The following MDGA2 variants were observed in gnomAD, a reference collection of about 807,000 sequenced individuals.
The protein encoded by MDGA2 is MAM domain-containing glycosylphosphatidylinositol anchor protein 2.
A neutral mutation model predicts 117.8 loss-of-function variants in MDGA2; 40 were observed. The observed-to-expected ratio is 0.34, with a 90% CI of 0.26 to 0.44. The LOEUF (loss-of-function observed/expected upper bound fraction) is 0.44. Among genes scored for constraint, MDGA2 ranks in the 20% least tolerant of loss-of-function variants. The pLI, the probability that MDGA2 is intolerant of heterozygous loss-of-function variation, is 1.00. For synonymous variants in MDGA2, 452 were observed against 439.0 expected (o/e 1.03, Z -0.37); for missense variants, 1,123 against 1,250.6 (o/e 0.90, Z 1.54).
chr14:47,618,141 T>C (rs1896981250), intron 1 of MDGA2, among the ~76,000 whole-genome samples: 1 of 152,126 alleles, frequency 6.6e-6, no homozygotes. Context: ...GATAAACATA[T>C]GCATAAATAC....
intron 1 of MDGA2, among the ~76,000 whole-genome samples, chr14:47,467,621 G>A (rs1427628578): frequency 6.6e-6 from 1 of 152,072 alleles, no homozygotes; most frequent in East Asian, 1.9e-4. Flanking sequence ...TTTTGCTTGG[G>A]TATGAATCCT....
At chr14:47,665,344 T>G (rs1452756796) in intron 1 of MDGA2, among the ~76,000 whole-genome samples, 1 of 152,196 alleles carries the variant, frequency 6.6e-6, no homozygotes, top group Admixed American at 6.5e-5. Context: ...ATGCATAACC[T>G]CTTTGATTTT....
At chr14:47,030,075 C>T (rs553410519) in intron 8 of MDGA2, among the ~76,000 whole-genome samples, 1 of 152,158 alleles carries the variant, frequency 6.6e-6, no homozygotes, top group East Asian at 2.0e-4. Flanking sequence ...ATCCACCCAC[C>T]TCAGCCTCCC....
chr14:47,179,040 T>C (rs896929193), intron 3 of MDGA2, among the ~76,000 whole-genome samples: 1 of 152,128 alleles, frequency 6.6e-6, no homozygotes, highest in Non-Finnish European at 1.5e-5. Flanking sequence ...AACCGGTCTA[T>C]ATATCATTAG....
At chr14:47,398,551 T>C (rs1160534071) in intron 1 of MDGA2, among the ~76,000 whole-genome samples, 5 of 152,212 alleles carry the variant, frequency 3.3e-5, no homozygotes, top group African/African-American at 7.2e-5. Context: ...ATGATAGTTA[T>C]TGTTAAACTA....
At chr14:47,418,674 C>A (rs1892521533) in intron 1 of MDGA2, among the ~76,000 whole-genome samples, 1 of 152,114 alleles carries the variant, frequency 6.6e-6, no homozygotes, top group Admixed American at 6.6e-5. Context: ...AACATCCAGA[C>A]CATAGCACAT....
At chr14:47,291,000 G>A (rs368771239) in intron 2 of MDGA2, among the ~76,000 whole-genome samples, 12 of 152,054 alleles carry the variant, frequency 7.9e-5, no homozygotes, top group African/African-American at 2.9e-4. Flanking sequence ...TTAGTACTTC[G>A]CTGCAGAAAG....
chr14:46,946,115 G>A (rs1040826084), intron 9 of MDGA2, among the ~76,000 whole-genome samples: 12 of 151,992 alleles, frequency 7.9e-5, no homozygotes, highest in African/African-American at 2.9e-4. Context: ...TCTAAATGAT[G>A]TTTTAATTTA....
chr14:46,889,897 C>T (rs1206968819), intron 10 of MDGA2, among the ~76,000 whole-genome samples: 1 of 151,982 alleles, frequency 6.6e-6, no homozygotes, highest in Non-Finnish European at 1.5e-5. Context: ...ATCCTTCTTT[C>T]CTACTCTGGT....
At chr14:47,058,236 T>C (rs1350625254) in intron 7 of MDGA2, among the ~76,000 whole-genome samples, 1 of 152,132 alleles carries the variant, frequency 6.6e-6, no homozygotes, top group African/African-American at 2.4e-5. Flanking sequence ...TAAGATTTTA[T>C]ATGAAAAACA....
chr14:47,098,625 T>C (rs1159793460), intron 5 of MDGA2, among the ~76,000 whole-genome samples: 1 of 151,880 alleles, frequency 6.6e-6, no homozygotes, highest in East Asian at 1.9e-4. Flanking sequence ...TAATTATTAA[T>C]ATATCATCAT....
chr14:47,374,117 T>C (rs1320553720), intron 1 of MDGA2, among the ~76,000 whole-genome samples: 1 of 152,158 alleles, frequency 6.6e-6, no homozygotes, highest in Non-Finnish European at 1.5e-5. Context: ...CATATTTTTC[T>C]TGAAAATAGG....
At chr14:47,608,742 G>T (rs555589932) in intron 1 of MDGA2, among the ~76,000 whole-genome samples, 2 of 152,228 alleles carry the variant, frequency 1.3e-5, no homozygotes, top group South Asian at 2.1e-4. Context: ...CACTCTGGCT[G>T]CTGTACTGAA....
intron 1 of MDGA2, among the ~76,000 whole-genome samples, chr14:47,426,573 C>A: frequency 6.6e-6 from 1 of 151,012 alleles, no homozygotes; most frequent in Non-Finnish European, 1.5e-5. Context: ...AAAAATAGCA[C>A]CAAAAATTAT....
intron 1 of MDGA2, among the ~76,000 whole-genome samples, chr14:47,304,666 T>C (rs1889385746): frequency 6.6e-6 from 1 of 152,146 alleles, no homozygotes. Context: ...ATGTTGTTTC[T>C]CTGCTTAAGA....
At chr14:47,163,988 A>T (rs188118608) in intron 3 of MDGA2, among the ~76,000 whole-genome samples, 205 of 152,284 alleles carry the variant, frequency 1.3e-3, no homozygotes, top group Non-Finnish European at 2.7e-3. Context: ...TCTCCATGTC[A>T]TCTAGCTCAC....
At chr14:47,182,753 G>T (rs142109381) in intron 3 of MDGA2, among the ~76,000 whole-genome samples, 1 of 152,216 alleles carries the variant, frequency 6.6e-6, no homozygotes, top group East Asian at 1.9e-4. Flanking sequence ...ACAATTACAA[G>T]AACTATAACT....
At chr14:47,198,312 C>A (rs569534389) in intron 3 of MDGA2, among the ~76,000 whole-genome samples, 2 of 152,308 alleles carry the variant, frequency 1.3e-5, no homozygotes, top group South Asian at 4.1e-4. Context: ...GTGGCTCACG[C>A]CTGTAATCCC....
chr14:46,864,146 G>T (rs1183054037), intron 14 of MDGA2, among the ~76,000 whole-genome samples: 1 of 150,388 alleles, frequency 6.6e-6, no homozygotes, highest in African/African-American at 2.5e-5. Context: ...TCCCTAGGGT[G>T]AGAGTGGTGG....
Sources: gnomAD v4.1 joint callset for allele counts (sites outside exome capture counted in the v4.1 genomes callset) on GRCh38, gnomAD v4.1.1 for gene constraint, MANE v1.5 for transcripts, NCBI Gene and HGNC (gene_info 2026-07-23, HGNC 2026-07-21) for gene names.